Variants in PCDHGB6 observed in about 807,000 individuals in gnomAD.
The protein encoded by PCDHGB6 is protocadherin gamma subfamily B, 6.
PCDHGB6 carries 51 observed loss-of-function variants against 59.1 expected under a neutral mutation model. The observed-to-expected ratio is 0.86, with a 90% confidence interval of 0.69 to 1.09. The LOEUF (loss-of-function observed/expected upper bound fraction) is 1.09, where lower values mean the gene tolerates loss of function less well. Among genes scored for constraint, PCDHGB6 ranks in the 50% least tolerant of loss-of-function variants. The pLI is 0.00. For missense variants in PCDHGB6, 1,148 were observed against 1,205.1 expected, an observed-to-expected ratio of 0.95 and a Z score of 0.70; for synonymous variants, 466 against 495.1, an observed-to-expected ratio of 0.94 and a Z score of 0.78.
At chr5:141,510,844 C>A in intron 3 of PCDHGB6, 103 bp from the exon 4 acceptor site, 1 of 1,592,684 alleles carries the variant, frequency 6.3e-7, no homozygotes, top group South Asian at 1.1e-5. Context: ...GTGGTCAAGG[C>A]CCAGGGTGCT....
At chr5:141,509,136 C>T (rs1217992935) in intron 3 of PCDHGB6, among the ~76,000 whole-genome samples, 1 of 152,142 alleles carries the variant, frequency 6.6e-6, no homozygotes, top group Non-Finnish European at 1.5e-5. Context: ...AAAACCGAGG[C>T]GCATCCCGGC....
At chr5:141,498,803 C>T (rs916966107) in intron 2 of PCDHGB6, among the ~76,000 whole-genome samples, 5 of 151,982 alleles carry the variant, frequency 3.3e-5, no homozygotes, top group African/African-American at 1.2e-4. Flanking sequence ...TGTGGTGGTG[C>T]ACACCTGTAG....
intron 1 of PCDHGB6, chr5:141,411,445 G>A (rs926329934): frequency 1.3e-5 from 2 of 151,656 alleles, no homozygotes; most frequent in South Asian, 2.1e-4. Flanking sequence ...TTAGCAGAGT[G>A]TGGTAGCATT....
chr5:141,411,237 T>C (rs1472710660), intron 1 of PCDHGB6: 1 of 152,116 alleles, frequency 6.6e-6, no homozygotes, highest in Non-Finnish European at 1.5e-5. Flanking sequence ...GAAGACTTAG[T>C]GAATTTACGA....
intron 1 of PCDHGB6, among the ~76,000 whole-genome samples, chr5:141,460,252 A>T (rs1342135416): frequency 6.6e-6 from 1 of 151,974 alleles, no homozygotes; most frequent in African/African-American, 2.4e-5. Flanking sequence ...AATTTTGATA[A>T]AGCCCAATTT....
chr5:141,458,292 T>C (rs2098941901), intron 1 of PCDHGB6, among the ~76,000 whole-genome samples: 1 of 152,146 alleles, frequency 6.6e-6, no homozygotes, highest in Admixed American at 6.5e-5. Flanking sequence ...GTCCTCATGC[T>C]GGTTTAGATA....
At chr5:141,508,737 C>G (rs919094477) in intron 3 of PCDHGB6, among the ~76,000 whole-genome samples, 2 of 152,010 alleles carry the variant, frequency 1.3e-5, no homozygotes, top group Non-Finnish European at 2.9e-5. Flanking sequence ...CTACACCCCC[C>G]ACCCCGCTCT....
Position 141,431,222 on chromosome 5 carries a change from C to A in PCDHGB6, c.2418+20602C>A. On this transcript the variant is annotated intron_variant, in intron 1 of 3. Transcript: ENST00000520790. The surrounding 1 kb of genome is among the most constrained non-coding windows in gnomAD (Gnocchi z 4.8). ...AGCCACTGAGATGCGGTTCCCTCTA[C>A]CCCACGCCTGGGATCCGGATATCGG... 3 of 1,614,170 alleles carry A rather than the reference C, an allele frequency of 1.9e-6. No individual in the cohort carries two copies. The highest frequency in any genetic ancestry group is 2.5e-6 in the Non-Finnish European group (3 of 1,180,034).
chr5:141,485,625 G>C lies in PCDHGB6; in HGVS notation c.2419-9182G>C. On this transcript the variant is annotated intron_variant, in intron 1 of 3. Transcript: ENST00000520790. This position sits in a 1 kb window ranked among gnomAD's most constrained non-coding sequence, Gnocchi z 5.7. ...GGGGAGGCAGCTCCTCCAGGACAGC[G>C]TTTCCCGTTGGAAAAGGCTCAGGAT... The C allele has an allele frequency of 6.2e-7, 1 of 1,611,968 alleles. No individual in the cohort carries two copies. Among genetic ancestry groups the C allele is most frequent in the Non-Finnish European group, 8.5e-7 (1 of 1,178,504 alleles).
In PCDHGB6 at chr5:141,498,823, C is replaced by A. The variant is rs540865523; in HGVS notation, c.2477+3958C>A. ...TGGTGCACACCTGTAGTCCCAGCTA[C>A]TCAGGAGGCTGAGGCAGGGGAATCG... On this transcript the variant is annotated intron_variant, in intron 2 of 3. Coordinates refer to ENST00000520790, the MANE Select transcript of PCDHGB6 (RefSeq NM_018926.3). Among the ~76,000 whole-genome samples the A allele has an allele frequency of 9.2e-5, 14 of 152,166 alleles. No homozygotes were observed. The East Asian group carries it at 1.5e-3, about 17-fold the overall frequency.
Position 141,424,520 on chromosome 5 carries a change from A to T in PCDHGB6, c.2418+13900A>T, listed in dbSNP as rs527395935. ...GTATGGAAGGTTTTTTAATGTAGTA[A>T]ATCCATATATAGAAATAACTTGATT... is the stretch of plus-strand genomic sequence containing the variant. On this transcript the variant is annotated intron_variant, in intron 1 of 3. Coordinates refer to ENST00000520790, the MANE Select transcript of PCDHGB6 (RefSeq NM_018926.3). 15 of 152,286 alleles carry T rather than the reference A, an allele frequency of 9.8e-5. No individual in the cohort carries two copies. In the East Asian group the frequency reaches 2.9e-3, roughly 29 times the overall value. The allele number at this position is 152,286 out of a possible 1,614,324, so 9.4% of individuals were successfully genotyped here. A position where few individuals can be genotyped will look rare whatever the true frequency, so the allele number is the denominator to read the frequency against.
intron 1 of PCDHGB6, chr5:141,418,829 C>A: frequency 1.9e-6 from 3 of 1,613,856 alleles, no homozygotes; most frequent in Non-Finnish European, 1.7e-6. Context: ...AGCAAAAGAC[C>A]GAGGATCTCT....
chr5:141,470,459 A>T (rs59770804), intron 1 of PCDHGB6, among the ~76,000 whole-genome samples: 32,627 of 152,034 alleles, frequency 0.21, 3,610 homozygotes, highest in African/African-American at 0.27. Context: ...CTTGAATAGG[A>T]TTTTCTGATA....
At chr5:141,419,210 GTTT>G in intron 1 of PCDHGB6, 1 of 1,613,926 alleles carries the variant, frequency 6.2e-7, no homozygotes, top group East Asian at 2.2e-5. Flanking sequence ...CAACGCGCCG[GTTT>G]TCGGACAGTC....
chr5:141,491,542 G>T lies in PCDHGB6; in HGVS notation c.2419-3265G>T, dbSNP rs112433306. The T allele has an allele frequency of 6.2e-7, 1 of 1,613,898 alleles. No homozygotes were observed. Among genetic ancestry groups the T allele is most frequent in the Admixed American group, 1.7e-5 (1 of 60,006 alleles). On this transcript the variant is annotated intron_variant, in intron 1 of 3. Transcript: ENST00000520790. This position sits in a 1 kb window ranked among gnomAD's most constrained non-coding sequence, Gnocchi z 6.9. ...CATGGAGGTGACGCTGCGGCCCACA[G>T]ACTCGCAGAGCCACTGCTACAGGAC...
At chr5:141,474,156 A>C (rs1387216017) in intron 1 of PCDHGB6, among the ~76,000 whole-genome samples, 1 of 152,244 alleles carries the variant, frequency 6.6e-6, no homozygotes, top group East Asian at 1.9e-4. Flanking sequence ...CAAGAAAATG[A>C]CAGGCCTTAT....
rs1243112302 is a variant in PCDHGB6, at chr5:141,476,738, C to G, written c.2419-18069C>G. 6.2e-7 allele frequency: 1 copy of G among 1,614,076 alleles called. No homozygotes were observed. Among genetic ancestry groups the G allele is most frequent in the Non-Finnish European group, 8.5e-7 (1 of 1,180,028 alleles). On this transcript the variant is annotated intron_variant, in intron 1 of 3. Transcript: ENST00000520790. This position sits in a 1 kb window ranked among gnomAD's most constrained non-coding sequence, Gnocchi z 7.6. ...GCGCGCCCTGGACCGAGAACGGGAG[C>G]CTAGTCTCCAGTTAGTGCTGACGGC...
intron 2 of PCDHGB6, among the ~76,000 whole-genome samples, chr5:141,504,579 G>T (rs994771989): frequency 2.0e-5 from 3 of 149,174 alleles, no homozygotes; most frequent in Non-Finnish European, 4.4e-5. Context: ...AACACCATCT[G>T]CCCAGGATTC....
chr5:141,459,139 A>G (rs1592605909), intron 1 of PCDHGB6, among the ~76,000 whole-genome samples: 1 of 152,360 alleles, frequency 6.6e-6, no homozygotes, highest in Non-Finnish European at 1.5e-5. Flanking sequence ...ACCACCATGC[A>G]ATCAAAATAT....
Sources: allele counts gnomAD v4.1 joint callset (sites outside exome capture counted in the v4.1 genomes callset), GRCh38; gene constraint gnomAD v4.1.1; non-coding constraint Gnocchi (gnomAD v3.1); transcripts MANE v1.5; gene names NCBI Gene and HGNC (gene_info 2026-07-23, HGNC 2026-07-21).